The following KCNH1 variants were observed in gnomAD, a reference collection of about 807,000 sequenced individuals.
The protein encoded by KCNH1 is voltage-gated delayed rectifier potassium channel KCNH1.
KCNH1 carries 27 observed loss-of-function variants against 69.2 expected under a neutral mutation model. That is an observed-to-expected ratio of 0.39 (90% CI 0.29 to 0.54). The LOEUF (loss-of-function observed/expected upper bound fraction) is 0.54, where lower values mean the gene tolerates loss of function less well. KCNH1 is among the 20% of genes least tolerant of loss of function. The probability of loss-of-function intolerance (pLI) is 0.68; values close to 1 mark genes in which losing one functional copy is unlikely to be tolerated. For missense variants in KCNH1, 798 were observed against 1,261.6 expected (o/e 0.63, Z 5.57); for synonymous variants, 456 against 487.7 (o/e 0.93, Z 0.86).
chr1:210,809,929 G>A (rs1684667628), intron 7 of KCNH1, among the ~76,000 whole-genome samples: 1 of 152,104 alleles, frequency 6.6e-6, no homozygotes, highest in Non-Finnish European at 1.5e-5. Flanking sequence ...GCCAAGAGAA[G>A]GTCTGTTTAG....
At chr1:210,916,657 T>C (rs996907262) in intron 7 of KCNH1, among the ~76,000 whole-genome samples, 2 of 152,162 alleles carry the variant, frequency 1.3e-5, no homozygotes, top group African/African-American at 4.8e-5. Context: ...TGAGCCTCCA[T>C]TTCCTTATGA....
At chr1:210,991,142 A>G (rs1321706992) in intron 6 of KCNH1, among the ~76,000 whole-genome samples, 2 of 152,248 alleles carry the variant, frequency 1.3e-5, no homozygotes, top group African/African-American at 2.4e-5. Context: ...TCAAAAAGAT[A>G]TCTGCATGCT....
intron 10 of KCNH1, among the ~76,000 whole-genome samples, chr1:210,690,246 T>A (rs1681500681): frequency 6.6e-6 from 1 of 152,134 alleles, no homozygotes; most frequent in African/African-American, 2.4e-5. Flanking sequence ...CGTCTAGAGT[T>A]GGGGTACACA....
intron 6 of KCNH1, among the ~76,000 whole-genome samples, chr1:210,963,304 G>C (rs928946623): frequency 6.6e-6 from 1 of 152,084 alleles, no homozygotes; most frequent in Non-Finnish European, 1.5e-5. Context: ...AAAGTCCAAA[G>C]GTAGATAAAT....
intron 6 of KCNH1, among the ~76,000 whole-genome samples, chr1:210,922,299 G>A (rs1056049787): frequency 8.7e-5 from 13 of 149,584 alleles, no homozygotes; most frequent in Admixed American, 2.0e-4. Flanking sequence ...GGAGAATGGC[G>A]TGAACCTGGG....
At chr1:211,115,522 A>G (rs1691555659) in intron 1 of KCNH1, among the ~76,000 whole-genome samples, 1 of 151,716 alleles carries the variant, frequency 6.6e-6, no homozygotes, top group Non-Finnish European at 1.5e-5. Flanking sequence ...GTAAAAAGGC[A>G]AGACTGCTCT....
chr1:211,047,468 A>G (rs1690113960), intron 5 of KCNH1, among the ~76,000 whole-genome samples: 1 of 152,180 alleles, frequency 6.6e-6, no homozygotes, highest in Admixed American at 6.5e-5. Flanking sequence ...GAGGGCTAAA[A>G]ACACAGTAAG....
chr1:211,027,919 TAGA>T (rs1365883334), intron 5 of KCNH1, among the ~76,000 whole-genome samples: 1 of 152,096 alleles, frequency 6.6e-6, no homozygotes. Flanking sequence ...AGCAAAGATA[TAGA>T]AGAACTCAAC....
chr1:210,940,750 A>C (rs964881584), intron 6 of KCNH1, among the ~76,000 whole-genome samples: 35 of 152,366 alleles, frequency 2.3e-4, no homozygotes, highest in African/African-American at 8.2e-4. Flanking sequence ...CAGAAAAGAG[A>C]ATCTGGTTTT....
chr1:210,733,139 T>C (rs1682784638), intron 10 of KCNH1, among the ~76,000 whole-genome samples: 1 of 152,178 alleles, frequency 6.6e-6, no homozygotes, highest in Non-Finnish European at 1.5e-5. Context: ...GGAAACAAAG[T>C]ATCCTTTCAT....
At chr1:210,897,076 C>G (rs981465962) in intron 7 of KCNH1, among the ~76,000 whole-genome samples, 1 of 152,194 alleles carries the variant, frequency 6.6e-6, no homozygotes. Flanking sequence ...GCTCCACTCA[C>G]AATGGGATCA....
At chr1:210,789,325 T>C (rs1450015629) in intron 9 of KCNH1, among the ~76,000 whole-genome samples, 1 of 152,198 alleles carries the variant, frequency 6.6e-6, no homozygotes, top group Non-Finnish European at 1.5e-5. Flanking sequence ...TAATGAGGGT[T>C]TATAGAAAGT....
intron 6 of KCNH1, among the ~76,000 whole-genome samples, chr1:210,946,975 A>C (rs1687969690): frequency 6.6e-6 from 1 of 152,166 alleles, no homozygotes; most frequent in Non-Finnish European, 1.5e-5. Flanking sequence ...AACTCCCCAC[A>C]GTGCAATATC....
At chr1:210,743,227 G>A (rs1225913941) in intron 10 of KCNH1, among the ~76,000 whole-genome samples, 1 of 152,040 alleles carries the variant, frequency 6.6e-6, no homozygotes, top group Non-Finnish European at 1.5e-5. Context: ...TGTGTAACTG[G>A]TTTCCCTTCA....
chr1:211,114,755 A>G (rs4512717), intron 1 of KCNH1, among the ~76,000 whole-genome samples: 56,070 of 151,980 alleles, frequency 0.37, 10,708 homozygotes, highest in Middle Eastern at 0.43. Flanking sequence ...TGACTCTGGG[A>G]TTATTTACTA....
At chr1:210,859,798 C>A in intron 7 of KCNH1, 1 of 1,029,668 alleles carries the variant, frequency 9.7e-7, no homozygotes, top group Non-Finnish European at 1.5e-6. Flanking sequence ...GTCATGAAGC[C>A]CCAAGAAACA....
intron 6 of KCNH1, among the ~76,000 whole-genome samples, chr1:210,986,383 G>A (rs1483529384): frequency 6.6e-6 from 1 of 152,274 alleles, no homozygotes; most frequent in South Asian, 2.1e-4. Flanking sequence ...TAGCCTTGAT[G>A]GTCTTTACAA....
At position 210,723,784 on chromosome 1, in the gene KCNH1, T is replaced by C. The variant is rs73067481; in HGVS notation, c.2113-39646A>G. On this transcript the variant is annotated intron_variant, in intron 10 of 10. Transcript: ENST00000271751. ...CCATGGAGTAGAAAGGTCCAGCACT[T>C]GAAAGGTTAACAAAGGGACACGTGT... is the stretch of plus-strand genomic sequence containing the variant. Among the ~76,000 whole-genome samples, 451 of 152,210 alleles carry C rather than the reference T, an allele frequency of 3.0e-3. 2 individuals are homozygous for C. The highest frequency in any genetic ancestry group is 0.01 in the African/African-American group (434 of 41,520).
intron 6 of KCNH1, among the ~76,000 whole-genome samples, chr1:210,957,374 G>A (rs1467783644): frequency 6.6e-6 from 1 of 152,158 alleles, no homozygotes; most frequent in Non-Finnish European, 1.5e-5. Flanking sequence ...GTGGTTCTGA[G>A]AAGAATGTAT....
Sources: gnomAD v4.1 joint callset for allele counts (sites outside exome capture counted in the v4.1 genomes callset) on GRCh38, gnomAD v4.1.1 for gene constraint, MANE v1.5 for transcripts, NCBI Gene and HGNC (gene_info 2026-07-23, HGNC 2026-07-21) for gene names.